RHBDL3: variants seen among roughly 807,000 people sequenced by gnomAD.
RHBDL3 encodes the protein rhomboid-related protein 3.
A neutral mutation model predicts 48.2 loss-of-function variants in RHBDL3; 28 were observed. That is an observed-to-expected ratio of 0.58 (90% confidence interval 0.43 to 0.80). The LOEUF (loss-of-function observed/expected upper bound fraction) is 0.80, where lower values mean the gene tolerates loss of function less well. Among genes scored for constraint, RHBDL3 ranks in the 30% least tolerant of loss-of-function variants. The probability of loss-of-function intolerance (pLI) is 0.00; values close to 1 mark genes in which losing one functional copy is unlikely to be tolerated. For synonymous variants in RHBDL3, 208 were observed against 232.3 expected (o/e 0.90, Z 0.95); for missense variants, 464 against 542.7 (o/e 0.85, Z 1.44).
intron 7 of RHBDL3, among the ~76,000 whole-genome samples, chr17:32,309,215 T>A (rs558476539): frequency 8.6e-4 from 124 of 144,062 alleles, no homozygotes; most frequent in Non-Finnish European, 8.7e-4. Context: ...TGTGTGTGTG[T>A]GAGATACACA....
Position 32,323,259 on chromosome 17 carries a change from G to C in RHBDL3, c.*2030G>C, listed in dbSNP as rs1181065565. Reference sequence around the variant, plus strand: ...TTTGGCGGTGTTGCGTCAGCCTGGGGCGTCTTGTGTGTGCCCTGCCCACCG... The same window carrying C: ...TTTGGCGGTGTTGCGTCAGCCTGGGCCGTCTTGTGTGTGCCCTGCCCACCG... On this transcript the variant is annotated 3_prime_UTR_variant, in exon 9 of 9. Transcript: ENST00000269051. 2 of 152,404 alleles carry C rather than the reference G, an allele frequency of 1.3e-5. No individual in the cohort carries two copies. Among genetic ancestry groups the C allele is most frequent in the Admixed American group, 1.3e-4 (2 of 15,290 alleles). 9.4% of individuals were successfully genotyped at this position (152,404 alleles called of 1,614,324 possible). A position where few individuals can be genotyped will look rare whatever the true frequency, so the allele number is the denominator to read the frequency against.
chr17:32,318,408 G>C lies in RHBDL3; in HGVS notation c.943+2116G>C, dbSNP rs1001860126. 2.0e-5 allele frequency among the ~76,000 whole-genome samples: 3 copies of C among 150,870 alleles called. No individual in the cohort carries two copies. In the Admixed American group the frequency reaches 2.0e-4, roughly 10 times the overall value. On this transcript the variant is annotated intron_variant, in intron 8 of 8. Coordinates refer to ENST00000269051, the MANE Select transcript of RHBDL3 (RefSeq NM_138328.3). Reference sequence around the variant, plus strand: ...TCCCAGCACTTTGAGAGGCCAAAGCGAGTAGATCACCTGAGGTCAGGAATT... The same window carrying C: ...TCCCAGCACTTTGAGAGGCCAAAGCCAGTAGATCACCTGAGGTCAGGAATT...
At chr17:32,304,036 C>A (rs989707694) in intron 6 of RHBDL3, among the ~76,000 whole-genome samples, 8 of 152,198 alleles carry the variant, frequency 5.3e-5, no homozygotes, top group African/African-American at 1.9e-4. Flanking sequence ...TTTTTAGTCT[C>A]CCATGTCCTC....
chr17:32,266,452 A>T, intron 1 of RHBDL3, 152 bp downstream of exon 1: 1 of 441,538 alleles, frequency 2.3e-6, no homozygotes, highest in Non-Finnish European at 4.0e-6. Context: ...GAGGGGGCGG[A>T]GGGACCGGTC....
intron 7 of RHBDL3, among the ~76,000 whole-genome samples, chr17:32,315,685 G>C (rs1013880601): frequency 5.3e-5 from 8 of 151,766 alleles, no homozygotes; most frequent in African/African-American, 1.7e-4. Context: ...GTCTCTCTCT[G>C]AAGTTTTCAT....
intron 2 of RHBDL3, among the ~76,000 whole-genome samples, chr17:32,283,469 G>T (rs566803279): frequency 2.6e-5 from 4 of 151,676 alleles, no homozygotes; most frequent in Admixed American, 6.6e-5. Context: ...GACTACAGGC[G>T]CACACCACCA....
At chr17:32,309,059 G>A (rs1042375863) in intron 7 of RHBDL3, among the ~76,000 whole-genome samples, 7 of 139,852 alleles carry the variant, frequency 5.0e-5, no homozygotes, top group African/African-American at 1.8e-4. Flanking sequence ...GAGAGAGAGA[G>A]ACCCTGTCTC....
chr17:32,321,193 C>T lies in RHBDL3; in HGVS notation c.1179C>T (p.Tyr393=). The T allele has an allele frequency of 1.2e-6, 2 of 1,614,212 alleles. No individual in the cohort carries two copies. The highest frequency in any genetic ancestry group is 1.1e-5 in the South Asian group (1 of 91,088). The change falls in exon 9 of 9, where the codon TAC becomes TAT. Residue 393 remains tyrosine (Y), a synonymous_variant. Transcript: ENST00000269051. Reference sequence around the variant, plus strand: ...CTGTCTTCTGGAACATCTTTGCCTACACCCTGCTGGACTTAAAGCTGCCGC... The same window carrying T: ...CTGTCTTCTGGAACATCTTTGCCTATACCCTGCTGGACTTAAAGCTGCCGC... ...LFAVFWNIFA[Y]TLLDLKLPPP...
Position 32,321,000 on chromosome 17 carries a change from C to T in RHBDL3, c.986C>T (p.Pro329Leu), listed in dbSNP as rs1033222442. 7.4e-6 allele frequency: 12 copies of T among 1,613,822 alleles called. No homozygotes were observed. Among genetic ancestry groups the T allele is most frequent in the Admixed American group, 3.3e-5 (2 of 60,008 alleles). The change falls in exon 9 of 9, where the codon CCG (proline) becomes CTG (leucine). Residue 329 changes from proline to leucine, a missense_variant. Transcript: ENST00000269051. ...CGGGCCGTGTGGCTCCGCTTCCACCCGTCGGCCTATCCCCCGTGCCCTCAC... is the reference window on the plus strand; with the variant it reads ...CGGGCCGTGTGGCTCCGCTTCCACCTGTCGGCCTATCCCCCGTGCCCTCAC... ...FGRAVWLRFH[P>L]SAYPPCPHPS... is the part of the protein sequence containing the mutation.
chr17:32,293,686 G>T (rs1428927458), intron 4 of RHBDL3, among the ~76,000 whole-genome samples: 1 of 152,080 alleles, frequency 6.6e-6, no homozygotes, highest in African/African-American at 2.4e-5. Context: ...CTCCCAAGTG[G>T]GTGCGTGAGT....
chr17:32,315,494 G>A (rs1229025855), intron 7 of RHBDL3, among the ~76,000 whole-genome samples: 1 of 152,044 alleles, frequency 6.6e-6, no homozygotes, highest in Non-Finnish European at 1.5e-5. Context: ...GGGGAGAGAG[G>A]GAGTTGTTTG....
At chr17:32,287,546 G>A (rs1249489881) in intron 3 of RHBDL3, among the ~76,000 whole-genome samples, 1 of 152,176 alleles carries the variant, frequency 6.6e-6, no homozygotes, top group African/African-American at 2.4e-5. Context: ...GCTCAGGAAT[G>A]TGAGGTGGGG....
intron 2 of RHBDL3, among the ~76,000 whole-genome samples, chr17:32,273,267 A>C (rs2039817020): frequency 6.6e-6 from 1 of 152,194 alleles, no homozygotes; most frequent in African/African-American, 2.4e-5. Context: ...CTCCCAAAGT[A>C]CTGGGATTAC....
rs540866279 is a variant in RHBDL3, at chr17:32,287,041, C to T, written c.295-1751C>T. ...CTACTCACCCTCTCCAAGCTTCAGT[C>T]CCCATATTTGTAATGTCGGAATAAT... On this transcript the variant is annotated intron_variant, in intron 3 of 8. Coordinates refer to ENST00000269051, the MANE Select transcript of RHBDL3 (RefSeq NM_138328.3). 3.3e-5 allele frequency among the ~76,000 whole-genome samples: 5 copies of T among 152,326 alleles called. No homozygotes were observed. The South Asian group carries it at 1.0e-3, about 32-fold the overall frequency.
chr17:32,267,869 C>G, intron 1 of RHBDL3, 33 bp from the exon 2 acceptor site: 1 of 1,613,910 alleles, frequency 6.2e-7, no homozygotes, highest in South Asian at 1.1e-5. Context: ...CTCTCCTCTT[C>G]TTCCTCTCCT....
At chr17:32,320,909 C>G in intron 8 of RHBDL3, 49 bp from the exon 9 acceptor site, 1 of 1,397,514 alleles carries the variant, frequency 7.2e-7, no homozygotes, top group African/African-American at 1.4e-5. Flanking sequence ...GGCCCTCAGC[C>G]CCTGCTCAGG....
At chr17:32,269,942 G>T (rs189070048) in intron 2 of RHBDL3, among the ~76,000 whole-genome samples, 1 of 151,886 alleles carries the variant, frequency 6.6e-6, no homozygotes, top group South Asian at 2.1e-4. Flanking sequence ...CTATTAAATC[G>T]AATTTTTCCA....
chr17:32,294,357 C>T lies in RHBDL3; in HGVS notation c.583C>T (p.Arg195Cys), dbSNP rs368351580. 37 of 1,613,840 alleles carry T rather than the reference C, an allele frequency of 2.3e-5. No homozygotes were observed. Among genetic ancestry groups the T allele is most frequent in the African/African-American group, 5.3e-5 (4 of 74,994 alleles). The change falls in exon 5 of 9, where the codon CGT (arginine) becomes TGT (cysteine). Residue 195 changes from arginine to cysteine, a missense_variant. Transcript: ENST00000269051. ...GQFVLQVTHP[R>C]YLKNSLVYHP... ...ATTTGTACTGCAGGTAACTCATCCACGTTACTTGAAGAACTCCCTGGTTTA... is the reference window on the plus strand; with the variant it reads ...ATTTGTACTGCAGGTAACTCATCCATGTTACTTGAAGAACTCCCTGGTTTA...
At chr17:32,284,849 G>A in intron 3 of RHBDL3, 32 bp downstream of exon 3, 3 of 1,597,674 alleles carry the variant, frequency 1.9e-6, no homozygotes, top group Non-Finnish European at 2.6e-6. Flanking sequence ...GTACTCGGGG[G>A]GACCTGTTTG....
Sources: gnomAD v4.1 joint callset for allele counts (sites outside exome capture counted in the v4.1 genomes callset) on GRCh38, gnomAD v4.1.1 for gene constraint, MANE v1.5 for transcripts, NCBI Gene and HGNC (gene_info 2026-07-23, HGNC 2026-07-21) for gene names.